The following CEP85L variants were observed in gnomAD, a reference collection of about 807,000 sequenced individuals.
The protein encoded by CEP85L is centrosomal protein 85L.
A neutral mutation model predicts 100.3 loss-of-function variants in CEP85L; 60 were observed. The ratio of observed to expected loss-of-function variants is 0.60; its 90% CI spans 0.49 to 0.74. The LOEUF (loss-of-function observed/expected upper bound fraction) is 0.74, where lower values mean the gene tolerates loss of function less well. Among genes scored for constraint, CEP85L ranks in the 30% least tolerant of loss-of-function variants. The pLI is 0.00. For synonymous variants in CEP85L, 319 were observed against 322.7 expected (o/e 0.99, Z 0.12); for missense variants, 973 against 936.2 (o/e 1.04, Z -0.51).
intron 2 of CEP85L, among the ~76,000 whole-genome samples, chr6:118,585,125 A>C (rs990996487): frequency 6.6e-6 from 1 of 152,218 alleles, no homozygotes; most frequent in African/African-American, 2.4e-5. Flanking sequence ...GACATCACTG[A>C]AAGTGTGTCA....
At chr6:118,486,079 C>T (rs1774160308) in intron 6 of CEP85L, among the ~76,000 whole-genome samples, 1 of 152,200 alleles carries the variant, frequency 6.6e-6, no homozygotes, top group African/African-American at 2.4e-5. Flanking sequence ...TCCTACGAGA[C>T]ACTGTCTCTG....
rs115332958 is a variant in CEP85L, at chr6:118,469,013, G to A, written c.2254+59C>T. On this transcript the variant is annotated intron_variant, in intron 12 of 12. Transcript: ENST00000368491. ...AGAGAAAAGGCAGTCGGAAGTTCCT[G>A]ATTCATGAAGATAGGTTTCTAATTG... The A allele has an allele frequency of 8.2e-4, 960 of 1,169,224 alleles. 4 individuals carry two copies. In the African/African-American group the frequency reaches 0.013, roughly 16 times the overall value. 72.4% of individuals were successfully genotyped at this position (1,169,224 alleles called of 1,614,324 possible).
chr6:118,651,443 A>AT lies in CEP85L; in HGVS notation c.-175dup. 7.5e-7 allele frequency: 1 copy of AT among 1,324,826 alleles called. No individual in the cohort carries two copies. The allele number at this position is 1,324,826 out of a possible 1,614,324, so 82.1% of individuals were successfully genotyped here. A position where few individuals can be genotyped will look rare whatever the true frequency, so the allele number is the denominator to read the frequency against. ...TACGGGCGGGGAGCGCAGGGGCCAGATTCGCCGCACTGCCGGCGCCTGCCA... is the reference window on the plus strand; with the variant it reads ...TACGGGCGGGGAGCGCAGGGGCCAGATTTCGCCGCACTGCCGGCGCCTGCCA... On this transcript the variant is annotated 5_prime_UTR_variant, in exon 1 of 13. It introduces an in-frame stop codon into an upstream open reading frame of the 5' UTR. Transcript: ENST00000368491.
At chr6:118,530,099 TA>T (rs1777207764) in intron 3 of CEP85L, among the ~76,000 whole-genome samples, 1 of 151,958 alleles carries the variant, frequency 6.6e-6, no homozygotes, top group South Asian at 2.1e-4. Context: ...ACCACGAAGA[TA>T]AAATAATCAC....
chr6:118,563,883 G>C (rs182886171), intron 3 of CEP85L, among the ~76,000 whole-genome samples: 3 of 152,310 alleles, frequency 2.0e-5, no homozygotes, highest in East Asian at 3.9e-4. Context: ...GAGGAAATTA[G>C]AAGGGAAGCA....
chr6:118,632,720 T>C, intron 1 of CEP85L, 109 bp from the exon 2 acceptor site: 1 of 725,964 alleles, frequency 1.4e-6, no homozygotes, highest in South Asian at 3.0e-5. Flanking sequence ...AAAAGGTTCT[T>C]TTCTGCCCAA....
At chr6:118,631,254 T>C (rs1387730486) in intron 2 of CEP85L, among the ~76,000 whole-genome samples, 1 of 152,218 alleles carries the variant, frequency 6.6e-6, no homozygotes, top group Non-Finnish European at 1.5e-5. Context: ...GTCTATTTTT[T>C]AAAATGAGAC....
At position 118,600,303 on chromosome 6, in the gene CEP85L, G is replaced by A. The variant is rs1781690969; in HGVS notation, c.232+32150C>T. Reference sequence around the variant, plus strand: ...CCTGTCCCTGAGCCTTCCTGGGGGTGTGTGTGTGTGTGTGTGTGTGTGTGT... The same window carrying A: ...CCTGTCCCTGAGCCTTCCTGGGGGTATGTGTGTGTGTGTGTGTGTGTGTGT... On this transcript the variant is annotated intron_variant, in intron 2 of 12. Coordinates refer to ENST00000368491, the MANE Select transcript of CEP85L (RefSeq NM_001042475.3). Among the ~76,000 whole-genome samples, 3 of 33,996 alleles carry A rather than the reference G, an allele frequency of 8.8e-5. 1 individual carries two copies. The highest frequency in any genetic ancestry group is 3.2e-4 in the African/African-American group (3 of 9,336). The allele number at this position is 33,996 out of a possible 152,430, so 22.3% of individuals were successfully genotyped here. A position where few individuals can be genotyped will look rare whatever the true frequency, so the allele number is the denominator to read the frequency against.
chr6:118,469,042 C>G, intron 12 of CEP85L, 30 bp downstream of exon 12: 1 of 1,514,176 alleles, frequency 6.6e-7, no homozygotes, highest in South Asian at 1.1e-5. Context: ...CTAATTGCCA[C>G]AAAATAAGGA....
At chr6:118,641,817 C>T (rs1218114218) in intron 1 of CEP85L, among the ~76,000 whole-genome samples, 1 of 110,704 alleles carries the variant, frequency 9.0e-6, no homozygotes, top group Non-Finnish European at 2.0e-5. Context: ...TTCAACATTC[C>T]TTTTGCAAGA....
intron 5 of CEP85L, among the ~76,000 whole-genome samples, chr6:118,492,962 T>C (rs1201604045): frequency 6.6e-6 from 1 of 152,144 alleles, no homozygotes; most frequent in Non-Finnish European, 1.5e-5. Context: ...ATTTCAAAGA[T>C]GGCAGACTCA....
At position 118,545,701 on chromosome 6, in the gene CEP85L, ATTTC is replaced by A. The variant is rs552865540; in HGVS notation, c.1020+19824_1020+19827del. On this transcript the variant is annotated intron_variant, in intron 3 of 12. Coordinates refer to ENST00000368491, the MANE Select transcript of CEP85L (RefSeq NM_001042475.3). ...TGATTCAGTTGAAACTGAATACTAA[ATTTC>A]ATTTAGAGCTTAGTAAAAATAAATT... Among the ~76,000 whole-genome samples the A allele has an allele frequency of 1.6e-4, 24 of 152,328 alleles. No homozygotes were observed. The South Asian group carries it at 4.6e-3, about 29-fold the overall frequency.
At chr6:118,485,237 T>C (rs919714515) in intron 6 of CEP85L, among the ~76,000 whole-genome samples, 4 of 152,212 alleles carry the variant, frequency 2.6e-5, no homozygotes, top group African/African-American at 9.6e-5. Flanking sequence ...CTTACAGGGT[T>C]CTAAAATATT....
At chr6:118,468,539 T>C (rs1422922962) in intron 12 of CEP85L, among the ~76,000 whole-genome samples, 1 of 152,184 alleles carries the variant, frequency 6.6e-6, no homozygotes, top group Non-Finnish European at 1.5e-5. Flanking sequence ...AAGACAGAAT[T>C]GAGGCCAAGA....
chr6:118,498,440 C>T (rs1582915574), intron 5 of CEP85L, among the ~76,000 whole-genome samples: 1 of 151,842 alleles, frequency 6.6e-6, no homozygotes, highest in Non-Finnish European at 1.5e-5. Context: ...GACAGAACTA[C>T]AAAGAGAAAC....
At chr6:118,636,876 C>T (rs768311387) in intron 1 of CEP85L, among the ~76,000 whole-genome samples, 1 of 152,126 alleles carries the variant, frequency 6.6e-6, no homozygotes, top group Non-Finnish European at 1.5e-5. Context: ...TGGGACCTGT[C>T]AGCCACCATA....
At chr6:118,514,696 T>C (rs1776167951) in intron 4 of CEP85L, among the ~76,000 whole-genome samples, 1 of 151,902 alleles carries the variant, frequency 6.6e-6, no homozygotes, top group Admixed American at 6.6e-5. Context: ...AAGAAAACCA[T>C]TCTGAACATA....
chr6:118,528,076 G>GT (rs1777076519), intron 3 of CEP85L, among the ~76,000 whole-genome samples: 1 of 151,956 alleles, frequency 6.6e-6, no homozygotes, highest in African/African-American at 2.4e-5. Context: ...GCCTATTTCA[G>GT]TAAGACAAGT....
chr6:118,478,955 T>C (rs1324618755), intron 10 of CEP85L, among the ~76,000 whole-genome samples: 2 of 152,194 alleles, frequency 1.3e-5, no homozygotes, highest in Non-Finnish European at 2.9e-5. Context: ...AAGTGTCGAT[T>C]ATTCTTAATT....
Sources: allele counts gnomAD v4.1 joint callset (sites outside exome capture counted in the v4.1 genomes callset), GRCh38; gene constraint gnomAD v4.1.1; transcripts MANE v1.5; gene names NCBI Gene and HGNC (gene_info 2026-07-23, HGNC 2026-07-21).